The following COL3A1 variants were observed in gnomAD, a reference collection of about 807,000 sequenced individuals.
The protein encoded by COL3A1 is collagen alpha-1(III) chain.
A neutral mutation model predicts 200.9 loss-of-function variants in COL3A1; 46 were observed. The ratio of observed to expected loss-of-function variants is 0.23; its 90% CI spans 0.18 to 0.29. The LOEUF is 0.29. Among genes scored for constraint, COL3A1 ranks in the 10% least tolerant of loss-of-function variants. COL3A1 has a pLI of 1.00. For synonymous variants in COL3A1, 650 were observed against 628.0 expected, an observed-to-expected ratio of 1.03 and a Z score of -0.52; for missense variants, 1,367 against 1,917.6, an observed-to-expected ratio of 0.71 and a Z score of 5.36.
rs1244512285 is a variant in COL3A1 at position 189,002,987 on chromosome 2, A to C, written c.2478A>C (p.Glu826Asp). Residue 826 changes from glutamate to aspartate, a missense_variant, in exon 36 of 51, where the codon GAA becomes GAC. Glu to Asp is a conservative substitution (Grantham distance 45). Coordinates refer to ENST00000304636, the MANE Select transcript of COL3A1 (RefSeq NM_000090.4). ...GQNGEPGGKG[E>D]RGAPGEKGEG... ...ATGGTGAACCTGGTGGTAAAGGAGAAAGAGGGGCTCCGGGTGAGAAAGGTG... is the reference window on the plus strand; with the variant it reads ...ATGGTGAACCTGGTGGTAAAGGAGACAGAGGGGCTCCGGGTGAGAAAGGTG... 6.4e-7 allele frequency: 1 copy of C among 1,551,824 alleles called. No individual in the cohort carries two copies. Among genetic ancestry groups the C allele is most frequent in the South Asian group, 1.2e-5 (1 of 84,082 alleles).
chr2:188,984,003 AT>A (rs548067625), intron 1 of COL3A1, among the ~76,000 whole-genome samples: 1 of 151,858 alleles, frequency 6.6e-6, no homozygotes, highest in Non-Finnish European at 1.5e-5. Context: ...GGTTGAAGCA[AT>A]TTTTTTTACC....
In COL3A1 at chr2:189,010,758, T is replaced by C. The variant is rs763497488; in HGVS notation, c.4122T>C (p.Asn1374=). 2 of 1,614,046 alleles carry C rather than the reference T, an allele frequency of 1.2e-6. No individual in the cohort carries two copies. Among genetic ancestry groups the C allele is most frequent in the East Asian group, 2.2e-5 (1 of 44,878 alleles). The change falls in exon 50 of 51, where the codon AAT becomes AAC. Residue 1374 remains asparagine (N), a synonymous_variant. Coordinates refer to ENST00000304636, the MANE Select transcript of COL3A1 (RefSeq NM_000090.4). ...ASQNITYHCK[N]SIAYMDQASG... ...AGAACATCACATATCACTGCAAAAA[T>C]AGCATTGCATACATGGATCAGGCCA...
At chr2:188,985,027 T>A in intron 2 of COL3A1, 65 bp downstream of exon 2, 1 of 1,458,200 alleles carries the variant, frequency 6.9e-7, no homozygotes, top group Non-Finnish European at 9.6e-7. Flanking sequence ...AGCTCCTATA[T>A]CATAGGAGCC....
Position 189,009,207 on chromosome 2 carries a change from C to T in COL3A1, c.3809C>T (p.Pro1270Leu). The T allele has an allele frequency of 6.2e-7, 1 of 1,614,104 alleles. No individual in the cohort carries two copies. The highest frequency in any genetic ancestry group is 1.1e-5 in the South Asian group (1 of 91,082). ...TGCAGAGACCTGAAATTCTGCCATCCTGAACTCAAGAGTGGTATGTTTGGT... is the reference window on the plus strand; with the variant it reads ...TGCAGAGACCTGAAATTCTGCCATCTTGAACTCAAGAGTGGTATGTTTGGT... ...RNCRDLKFCH[P>L]ELKSGEYWVD... The change falls in exon 48 of 51, where the codon CCT becomes CTT. Residue 1270 changes from proline (P) to leucine (L), a missense_variant. By Grantham distance (98) the Pro-to-Leu change is moderately conservative (BLOSUM62 -3). Transcript: ENST00000304636.
Position 188,989,509 on chromosome 2 carries a change from G to A in COL3A1, c.690+60G>A, listed in dbSNP as rs961385848. ...AATTTAACTTGGTGTATTCTAAACA[G>A]TATATGCTTTATGTCAGAATCCCAG... On this transcript the variant is annotated intron_variant, in intron 8 of 50. Transcript: ENST00000304636. The A allele has an allele frequency of 5.7e-5, 69 of 1,210,102 alleles. 2 individuals are homozygous for A. The South Asian group carries it at 8.8e-4, about 16-fold the overall frequency. 75.0% of individuals were successfully genotyped at this position (1,210,102 alleles called of 1,614,324 possible). A position where few individuals can be genotyped will look rare whatever the true frequency, so the allele number is the denominator to read the frequency against.
chr2:188,994,482 G>A lies in COL3A1; in HGVS notation c.1294-59G>A. On this transcript the variant is annotated intron_variant, in intron 18 of 50. Coordinates refer to ENST00000304636, the MANE Select transcript of COL3A1 (RefSeq NM_000090.4). This position sits in a 1 kb window ranked among gnomAD's most constrained non-coding sequence, Gnocchi z 4.5. ...CTTATAACTGAATTATGTGTTACTGGTGATGATTTGTTAGTCGAATCCTCC... is the reference window on the plus strand; with the variant it reads ...CTTATAACTGAATTATGTGTTACTGATGATGATTTGTTAGTCGAATCCTCC... 7 of 1,584,210 alleles carry A rather than the reference G, an allele frequency of 4.4e-6. No homozygotes were observed. Among genetic ancestry groups the A allele is most frequent in the Non-Finnish European group, 6.1e-6 (7 of 1,153,094 alleles).
rs1688753748 is a variant in COL3A1, at chr2:189,012,692, T to A, written c.*918T>A. ...TTAACTTTGTAAGCTTGTATGTGGT[T>A]GTTGATCTTTTTTTTCCTTACAGAC... On this transcript the variant is annotated 3_prime_UTR_variant, in exon 51 of 51. Transcript: ENST00000304636. 1 of 152,544 alleles carries A rather than the reference T, an allele frequency of 6.6e-6. No individual in the cohort carries two copies. 9.4% of individuals were successfully genotyped at this position (152,544 alleles called of 1,614,324 possible). A position where few individuals can be genotyped will look rare whatever the true frequency, so the allele number is the denominator to read the frequency against.
intron 21 of COL3A1, among the ~76,000 whole-genome samples, chr2:188,995,326 C>T (rs1688282001): frequency 6.6e-6 from 1 of 152,196 alleles, no homozygotes; most frequent in South Asian, 2.1e-4. Flanking sequence ...AATTGGAAAG[C>T]ATTTATCTGA....
intron 3 of COL3A1, 103 bp from the exon 4 acceptor site, chr2:188,985,562 T>A (rs556913792): frequency 1.3e-6 from 1 of 761,708 alleles, no homozygotes; most frequent in African/African-American, 1.8e-5. Context: ...ATATATTACT[T>A]ATATTGTTTC....
At chr2:188,991,167 T>C in intron 11 of COL3A1, 110 bp downstream of exon 11, 1 of 1,172,256 alleles carries the variant, frequency 8.5e-7, no homozygotes, top group Non-Finnish European at 1.2e-6. Context: ...TTACCTGAAT[T>C]TTACCTATTA....
chr2:189,002,813 C>A (rs192754201), intron 35 of COL3A1, 142 bp from the exon 36 acceptor site: 37 of 716,176 alleles, frequency 5.2e-5, no homozygotes, highest in Admixed American at 2.5e-4. Context: ...TTCATTTTGT[C>A]ATGTCTTCAG....
chr2:189,003,574 C>T (rs560370562), intron 37 of COL3A1, 110 bp downstream of exon 37: 15 of 1,346,030 alleles, frequency 1.1e-5, no homozygotes, highest in East Asian at 4.7e-5. Flanking sequence ...AAATTGTAAT[C>T]GCTCATTCAT....
At chr2:188,998,540 A>T in intron 28 of COL3A1, 134 bp from the exon 29 acceptor site, 1 of 1,045,724 alleles carries the variant, frequency 9.6e-7, no homozygotes, top group Non-Finnish European at 1.4e-6. Context: ...AGATTTGAAA[A>T]ATTATACAGT....
At chr2:188,986,735 A>G (rs1313791150) in intron 4 of COL3A1, among the ~76,000 whole-genome samples, 1 of 152,052 alleles carries the variant, frequency 6.6e-6, no homozygotes, top group Admixed American at 6.6e-5. Flanking sequence ...CAAACAGCCT[A>G]TGATCCTATG....
rs1414528381 is a variant in COL3A1, at chr2:189,010,269, C to T, written c.3915C>T (p.Ala1305=). The T allele has an allele frequency of 6.2e-7, 1 of 1,614,008 alleles. No homozygotes were observed. The highest frequency in any genetic ancestry group is 8.5e-7 in the Non-Finnish European group (1 of 1,180,018). ...NMETGETCIS[A]NPLNVPRKHW... ...AAACTGGGGAAACATGCATAAGTGCCAATCCTTTGAATGTTCCACGGAAAC... is the reference window on the plus strand; with the variant it reads ...AAACTGGGGAAACATGCATAAGTGCTAATCCTTTGAATGTTCCACGGAAAC... Residue 1305 remains alanine, a synonymous_variant, in exon 49 of 51, where the codon GCC becomes GCT. Coordinates refer to ENST00000304636, the MANE Select transcript of COL3A1 (RefSeq NM_000090.4).
Position 189,009,154 on chromosome 2 carries a change from T to A in COL3A1, c.3756T>A (p.Asp1252Glu). 1 of 1,614,236 alleles carries A rather than the reference T, an allele frequency of 6.2e-7. No individual in the cohort carries two copies. The highest frequency in any genetic ancestry group is 8.5e-7 in the Non-Finnish European group (1 of 1,180,038). The stretch of plus-strand genomic sequence containing the variant: ...AAATAGAAAGCCTCATTAGTCCTGA[T>A]GGTTCTCGTAAAAACCCCGCTAGAA... Reference protein sequence around the residue: ...NGQIESLISPDGSRKNPARNC... With the variant: ...NGQIESLISPEGSRKNPARNC... The change falls in exon 48 of 51, where the codon GAT becomes GAA. Residue 1252 changes from aspartate (D) to glutamate (E), a missense_variant. Transcript: ENST00000304636.
chr2:189,009,084 T>C lies in COL3A1; in HGVS notation c.3686T>C (p.Ile1229Thr), dbSNP rs1688661723. ...GGAGATGAACCAATGGATTTCAAAA[T>C]CAACACCGATGAGATTATGACTTCA... Reference protein sequence around the residue: ...YYGDEPMDFKINTDEIMTSLK... With the variant: ...YYGDEPMDFKTNTDEIMTSLK... Residue 1229 changes from isoleucine to threonine, a missense_variant, in exon 48 of 51, where the codon ATC becomes ACC. This residue lies in a region of COL3A1 where 846 missense variants were observed against 1,147.9 expected (regional missense o/e 0.74). Transcript: ENST00000304636. The C allele has an allele frequency of 1.2e-6, 2 of 1,614,036 alleles. No homozygotes were observed. The highest frequency in any genetic ancestry group is 1.7e-6 in the Non-Finnish European group (2 of 1,180,022).
chr2:188,995,256 C>T (rs759626552), intron 21 of COL3A1, among the ~76,000 whole-genome samples, 157 bp downstream of exon 21: 1 of 152,176 alleles, frequency 6.6e-6, no homozygotes, highest in East Asian at 1.9e-4. Flanking sequence ...CAACAACTTT[C>T]CTGGCTTTGT....
chr2:189,007,660 G>T lies in COL3A1; in HGVS notation c.3363+53G>T, dbSNP rs13306273. On this transcript the variant is annotated intron_variant, in intron 45 of 50. Transcript: ENST00000304636. ...CCCTTCAATGTATACAAATTTTAGA[G>T]ATTAAGAGAAGAAAGCTTTCCATCT... 1,169 of 1,474,490 alleles carry T rather than the reference G, an allele frequency of 7.9e-4. 4 individuals are homozygous for T. The East Asian group carries it at 0.011, about 14-fold the overall frequency. The allele number at this position is 1,474,490 out of a possible 1,614,324, so 91.3% of individuals were successfully genotyped here.
Sources: gnomAD v4.1 joint callset for allele counts (sites outside exome capture counted in the v4.1 genomes callset) on GRCh38, gnomAD v4.1.1 for gene constraint, gnomAD v4.1.1 regional missense constraint, Gnocchi (gnomAD v3.1) non-coding constraint, MANE v1.5 for transcripts, NCBI Gene and HGNC (gene_info 2026-07-23, HGNC 2026-07-21) for gene names.